The following ARMH4 variants were observed in gnomAD, a reference collection of about 807,000 sequenced individuals.
ARMH4 encodes armadillo-like helical domain-containing protein 4.
In ARMH4, 49 loss-of-function variants were observed where a neutral mutation model predicts 61.9. The observed-to-expected ratio is 0.79, with a 90% CI of 0.63 to 1.00. The LOEUF is 1.00. Among genes scored for constraint, ARMH4 ranks in the 50% least tolerant of loss-of-function variants. The pLI is 0.00. For synonymous variants in ARMH4, 368 were observed against 341.5 expected (o/e 1.08, Z -0.85); for missense variants, 934 against 930.0 (o/e 1.00, Z -0.06).
intron 4 of ARMH4, among the ~76,000 whole-genome samples, chr14:58,122,408 G>T (rs1886754899): frequency 6.6e-6 from 1 of 152,100 alleles, no homozygotes. Flanking sequence ...ACTAAGGGAG[G>T]CATTGAGAAA....
intron 5 of ARMH4, among the ~76,000 whole-genome samples, chr14:58,032,674 G>GCGCAGGCCAGTGTGT (rs1566548811): frequency 6.6e-6 from 1 of 151,732 alleles, no homozygotes; most frequent in Non-Finnish European, 1.5e-5. Flanking sequence ...CCAGACAGTG[G>GCGCAGGCCAGTGTGT]GCGCAGGCCA....
chr14:58,016,182 TTTA>T (rs1882606968), intron 5 of ARMH4, among the ~76,000 whole-genome samples: 1 of 152,042 alleles, frequency 6.6e-6, no homozygotes, highest in East Asian at 1.9e-4. Flanking sequence ...TCACAAAATA[TTTA>T]TAATAAAAAG....
At chr14:58,090,817 T>G (rs1397105067) in intron 5 of ARMH4, among the ~76,000 whole-genome samples, 1 of 144,900 alleles carries the variant, frequency 6.9e-6, no homozygotes, top group Non-Finnish European at 1.5e-5. Flanking sequence ...GAGGTGGAGG[T>G]TGCAATGAGC....
rs543947813 is a variant in ARMH4 at position 58,031,296 on chromosome 14, C to T, written c.2090-19146G>A. Reference sequence around the variant, plus strand: ...CATTTTCATATACTTTTATGAGTTGCCTATATGGCTGTGAATTAGCCATCA... The same window carrying T: ...CATTTTCATATACTTTTATGAGTTGTCTATATGGCTGTGAATTAGCCATCA... On this transcript the variant is annotated intron_variant, in intron 5 of 7. Transcript: ENST00000267485. 2.6e-5 allele frequency among the ~76,000 whole-genome samples: 4 copies of T among 152,236 alleles called. No individual in the cohort carries two copies. In the South Asian group the frequency reaches 6.2e-4, roughly 24 times the overall value.
intron 5 of ARMH4, among the ~76,000 whole-genome samples, chr14:58,058,657 G>A (rs1884426277): frequency 6.6e-6 from 1 of 152,204 alleles, no homozygotes; most frequent in South Asian, 2.1e-4. Context: ...AGTATAATGA[G>A]CAATGAGGAC....
intron 5 of ARMH4, among the ~76,000 whole-genome samples, chr14:58,096,078 A>C (rs1885737509): frequency 6.6e-6 from 1 of 152,168 alleles, no homozygotes; most frequent in Non-Finnish European, 1.5e-5. Flanking sequence ...TGCATCCTCC[A>C]AGTCTCTCAC....
intron 5 of ARMH4, among the ~76,000 whole-genome samples, chr14:58,054,780 G>A (rs1171524502): frequency 6.6e-6 from 1 of 151,248 alleles, no homozygotes; most frequent in Non-Finnish European, 1.5e-5. Context: ...CACCTGTAAT[G>A]CCAGAAGAAT....
chr14:58,072,543 A>AC (rs1884914742), intron 5 of ARMH4, among the ~76,000 whole-genome samples: 2 of 151,818 alleles, frequency 1.3e-5, no homozygotes, highest in African/African-American at 4.8e-5. Flanking sequence ...ACGTCGTGAA[A>AC]CCCCATCTCT....
intron 5 of ARMH4, among the ~76,000 whole-genome samples, chr14:58,050,462 G>A (rs1283623873): frequency 6.6e-6 from 1 of 152,172 alleles, no homozygotes; most frequent in African/African-American, 2.4e-5. Context: ...AATCACCCAT[G>A]TGAGTGACTA....
intron 4 of ARMH4, 124 bp from the exon 5 acceptor site, chr14:58,097,105 T>C (rs1885780864): frequency 1.9e-6 from 2 of 1,047,868 alleles, no homozygotes; most frequent in Non-Finnish European, 2.8e-6. Context: ...CACATCTTTA[T>C]AGCCAAAGTC....
chr14:58,074,002 T>C (rs865800713), intron 5 of ARMH4, among the ~76,000 whole-genome samples: 6 of 152,204 alleles, frequency 3.9e-5, no homozygotes, highest in South Asian at 2.1e-4. Context: ...AATTGAATCA[T>C]TGAGGTTTTA....
chr14:58,116,760 C>T (rs979675441), intron 4 of ARMH4, among the ~76,000 whole-genome samples: 1 of 152,154 alleles, frequency 6.6e-6, no homozygotes. Context: ...TTGACAATGG[C>T]ATTGCCTATA....
chr14:58,150,089 TCAGA>T (rs1311833600), intron 1 of ARMH4, among the ~76,000 whole-genome samples: 4 of 152,318 alleles, frequency 2.6e-5, no homozygotes, highest in South Asian at 2.1e-4. Flanking sequence ...TCTCCATCCA[TCAGA>T]CAGTTTATTT....
chr14:58,104,520 C>T (rs1413637221), intron 4 of ARMH4, among the ~76,000 whole-genome samples: 1 of 152,204 alleles, frequency 6.6e-6, no homozygotes, highest in East Asian at 1.9e-4. Flanking sequence ...CTTATTCTCT[C>T]ATAATCTTTT....
chr14:58,110,879 C>T (rs1275096526), intron 4 of ARMH4, among the ~76,000 whole-genome samples: 1 of 151,832 alleles, frequency 6.6e-6, no homozygotes, highest in African/African-American at 2.4e-5. Flanking sequence ...ACACACACCA[C>T]GCCCAGCTAA....
intron 5 of ARMH4, among the ~76,000 whole-genome samples, chr14:58,032,422 T>C (rs1438970004): frequency 6.6e-6 from 1 of 152,232 alleles, no homozygotes; most frequent in African/African-American, 2.4e-5. Flanking sequence ...TTTTGTGCTA[T>C]GGACCCATCT....
intron 5 of ARMH4, among the ~76,000 whole-genome samples, chr14:58,073,087 T>C (rs1156818646): frequency 6.6e-6 from 1 of 152,136 alleles, no homozygotes; most frequent in Non-Finnish European, 1.5e-5. Flanking sequence ...GCAAACACAG[T>C]TCCTCTTTAT....
intron 5 of ARMH4, among the ~76,000 whole-genome samples, chr14:58,065,785 T>G (rs1252536472): frequency 6.6e-6 from 1 of 152,272 alleles, no homozygotes; most frequent in East Asian, 1.9e-4. Context: ...GATTGCAATG[T>G]CTGCCTTGCC....
chr14:58,011,948 G>T (rs1220548993), intron 6 of ARMH4, among the ~76,000 whole-genome samples, 171 bp downstream of exon 6: 1 of 152,174 alleles, frequency 6.6e-6, no homozygotes, highest in Non-Finnish European at 1.5e-5. Context: ...TAAAAGAAGG[G>T]ATTTAAAGGG....
Sources: gnomAD v4.1 joint callset for allele counts (sites outside exome capture counted in the v4.1 genomes callset) on GRCh38, gnomAD v4.1.1 for gene constraint, MANE v1.5 for transcripts, NCBI Gene and HGNC (gene_info 2026-07-23, HGNC 2026-07-21) for gene names.